Variants in SLTM observed in about 807,000 individuals in gnomAD.
SLTM encodes the protein SAFB like transcription modulator.
Under a neutral mutation model 134.6 loss-of-function variants are expected in SLTM, and 43 were observed. The observed-to-expected ratio is 0.32, with a 90% CI of 0.25 to 0.41. The LOEUF (loss-of-function observed/expected upper bound fraction) is 0.41, where lower values mean the gene tolerates loss of function less well. Among genes scored for constraint, SLTM ranks in the 10% least tolerant of loss-of-function variants. The probability of loss-of-function intolerance (pLI) is 1.00; values close to 1 mark genes in which losing one functional copy is unlikely to be tolerated. For synonymous variants in SLTM, 424 were observed against 432.3 expected, an observed-to-expected ratio of 0.98 and a Z score of 0.24; for missense variants, 1,055 against 1,288.8, an observed-to-expected ratio of 0.82 and a Z score of 2.78.
chr15:58,915,275 T>A (rs1201647491), intron 3 of SLTM, among the ~76,000 whole-genome samples: 3 of 152,204 alleles, frequency 2.0e-5, no homozygotes, highest in Non-Finnish European at 4.4e-5. Context: ...CAGGTTTATT[T>A]AATCATAACA....
intron 8 of SLTM, chr15:58,897,699 G>C (rs564834183): frequency 6.6e-6 from 1 of 152,426 alleles, no homozygotes; most frequent in East Asian, 1.9e-4. Flanking sequence ...GAACCAACTG[G>C]TACACCTTCA....
Position 58,883,439 on chromosome 15 carries a change from A to T in SLTM, c.2996+187T>A. On this transcript the variant is annotated intron_variant, in intron 20 of 20. Transcript: ENST00000380516. Reference sequence around the variant, plus strand: ...AATTCATTTAAAAGGAAGAATACAAACTAACACATTAATATCAGCTGTTCT... The same window carrying T: ...AATTCATTTAAAAGGAAGAATACAATCTAACACATTAATATCAGCTGTTCT... The T allele has an allele frequency of 7.2e-6, 5 of 697,614 alleles. 1 individual carries two copies. The South Asian group carries it at 9.9e-5, about 14-fold the overall frequency. 43.2% of individuals were successfully genotyped at this position (697,614 alleles called of 1,614,324 possible).
intron 8 of SLTM, 93 bp from the exon 9 acceptor site, chr15:58,897,326 G>A (rs2035166108): frequency 1.4e-6 from 1 of 718,638 alleles, no homozygotes; most frequent in South Asian, 1.9e-5. Context: ...CTATAATTTT[G>A]ATAGTATGAC....
At chr15:58,887,193 C>A (rs1204817381) in intron 18 of SLTM, 33 bp downstream of exon 18, 3 of 1,611,650 alleles carry the variant, frequency 1.9e-6, no homozygotes, top group African/African-American at 2.7e-5. Flanking sequence ...ATGCATGAGA[C>A]CACTAGGAAA....
chr15:58,879,391 A>G lies in SLTM; in HGVS notation c.*608T>C, dbSNP rs1041822137. The G allele has an allele frequency of 4.6e-5, 7 of 152,632 alleles. No homozygotes were observed. Among genetic ancestry groups the G allele is most frequent in the Admixed American group, 2.6e-4 (4 of 15,284 alleles). The allele number at this position is 152,632 out of a possible 1,614,324, so 9.5% of individuals were successfully genotyped here. A position where few individuals can be genotyped will look rare whatever the true frequency, so the allele number is the denominator to read the frequency against. On this transcript the variant is annotated 3_prime_UTR_variant, in exon 21 of 21. Coordinates refer to ENST00000380516, the MANE Select transcript of SLTM (RefSeq NM_024755.4). ...TACACTAAACTGAAAATCGGTTCTC[A>G]TTTTACAATTAAAAAGGTTCTCAAC...
intron 5 of SLTM, among the ~76,000 whole-genome samples, chr15:58,902,407 A>G (rs1252095424): frequency 8.0e-5 from 12 of 150,408 alleles, no homozygotes; most frequent in Admixed American, 7.9e-4. Context: ...TTTTTTTTAA[A>G]CAGGTTCCTT....
intron 6 of SLTM, 109 bp downstream of exon 6, chr15:58,901,151 T>G: frequency 1.1e-6 from 1 of 882,440 alleles, no homozygotes; most frequent in Non-Finnish European, 1.8e-6. Flanking sequence ...ATGGATAAAT[T>G]TGAAAATAAA....
intron 19 of SLTM, among the ~76,000 whole-genome samples, chr15:58,886,035 T>C (rs1472041594): frequency 5.3e-5 from 8 of 152,170 alleles, no homozygotes; most frequent in African/African-American, 1.4e-4. Flanking sequence ...ATAAAGACAC[T>C]TTCCTCTGTC....
At chr15:58,900,055 A>AG (rs1336038487) in intron 6 of SLTM, 118 bp from the exon 7 acceptor site, 22 of 626,184 alleles carry the variant, frequency 3.5e-5, no homozygotes, top group Middle Eastern at 4.6e-4. Flanking sequence ...GATGGAAGTT[A>AG]GGGAAAAAAA....
intron 8 of SLTM, among the ~76,000 whole-genome samples, chr15:58,897,775 T>C (rs2035199726): frequency 6.6e-6 from 1 of 152,076 alleles, no homozygotes; most frequent in Non-Finnish European, 1.5e-5. Flanking sequence ...CTAGATTCGA[T>C]AAGAAACAAT....
chr15:58,881,707 C>T (rs1471558317), intron 20 of SLTM, among the ~76,000 whole-genome samples: 2 of 152,074 alleles, frequency 1.3e-5, no homozygotes, highest in Admixed American at 6.5e-5. Flanking sequence ...GGTAATGGAA[C>T]ACAATAATTG....
chr15:58,928,415 A>T (rs1372394679), intron 2 of SLTM, among the ~76,000 whole-genome samples: 2 of 152,166 alleles, frequency 1.3e-5, no homozygotes, highest in East Asian at 1.9e-4. Flanking sequence ...TAACAAAGAG[A>T]GTGTGAAGAC....
chr15:58,931,779 T>C (rs1489294049), intron 2 of SLTM, among the ~76,000 whole-genome samples: 1 of 152,228 alleles, frequency 6.6e-6, no homozygotes, highest in East Asian at 1.9e-4. Context: ...TAAGAATCTT[T>C]AACATCCCTA....
At chr15:58,912,671 T>A in intron 4 of SLTM, 61 bp from the exon 5 acceptor site, 1 of 1,344,338 alleles carries the variant, frequency 7.4e-7, no homozygotes, top group Admixed American at 2.0e-5. Context: ...GTGAGAATGC[T>A]TTTATGCTTA....
chr15:58,903,000 C>T (rs1194798243), intron 5 of SLTM, among the ~76,000 whole-genome samples: 1 of 152,180 alleles, frequency 6.6e-6, no homozygotes, highest in Non-Finnish European at 1.5e-5. Flanking sequence ...CTCCCGGGTT[C>T]AAGCGATTCT....
At chr15:58,903,828 A>T (rs964744288) in intron 5 of SLTM, among the ~76,000 whole-genome samples, 2 of 152,218 alleles carry the variant, frequency 1.3e-5, no homozygotes, top group Non-Finnish European at 2.9e-5. Flanking sequence ...TTAGTGAAAA[A>T]AGACGAAAAA....
chr15:58,886,772 T>C (rs1440951291), intron 19 of SLTM, among the ~76,000 whole-genome samples: 1 of 152,192 alleles, frequency 6.6e-6, no homozygotes, highest in Non-Finnish European at 1.5e-5. Flanking sequence ...CCTTAACTCT[T>C]TGGACTACTG....
At chr15:58,898,022 T>G (rs1334582119) in intron 8 of SLTM, 1 of 152,160 alleles carries the variant, frequency 6.6e-6, no homozygotes, top group Non-Finnish European at 1.5e-5. Context: ...TTTACTCACT[T>G]TAAGAGAAAC....
chr15:58,909,787 A>G (rs1444004345), intron 5 of SLTM, among the ~76,000 whole-genome samples: 3 of 152,240 alleles, frequency 2.0e-5, no homozygotes, highest in Non-Finnish European at 2.9e-5. Flanking sequence ...GAATATGTTG[A>G]ACACCACCAC....
Sources: allele counts gnomAD v4.1 joint callset (sites outside exome capture counted in the v4.1 genomes callset), GRCh38; gene constraint gnomAD v4.1.1; transcripts MANE v1.5; gene names NCBI Gene and HGNC (gene_info 2026-07-23, HGNC 2026-07-21).